Variants in LDLRAP1 observed in about 807,000 individuals in gnomAD.
LDLRAP1 encodes the protein low density lipoprotein receptor adaptor protein 1, also known as low density lipoprotein receptor adapter protein 1.
A neutral mutation model predicts 37.8 loss-of-function variants in LDLRAP1; 30 were observed. That is an observed-to-expected ratio of 0.79 (90% CI 0.59 to 1.08). The LOEUF is 1.08. Ranked by LOEUF, LDLRAP1 falls within the 50% of genes least tolerant of loss-of-function variation. The pLI, the probability that LDLRAP1 is intolerant of heterozygous loss-of-function variation, is 0.00. For missense variants in LDLRAP1, 375 were observed against 401.6 expected, an observed-to-expected ratio of 0.93 and a Z score of 0.57; for synonymous variants, 156 against 169.8, an observed-to-expected ratio of 0.92 and a Z score of 0.63.
chr1:25,554,315 C>G lies in LDLRAP1; in HGVS notation c.231+251C>G, dbSNP rs1179922118. 2.0e-5 allele frequency among the ~76,000 whole-genome samples: 3 copies of G among 152,062 alleles called. No individual in the cohort carries two copies. The East Asian group carries it at 5.8e-4, about 29-fold the overall frequency. The stretch of plus-strand genomic sequence containing the variant: ...CCCACCCCCAGCTCAGGCTCCCTAC[C>G]AATGCATTGGTGACTTATCAGCACC... On this transcript the variant is annotated intron_variant, in intron 2 of 8. Transcript: ENST00000374338. This position sits in a 1 kb window ranked among gnomAD's most constrained non-coding sequence, Gnocchi z 5.4.
chr1:25,561,063 C>G (rs1187424117), intron 4 of LDLRAP1, among the ~76,000 whole-genome samples: 4 of 152,272 alleles, frequency 2.6e-5, no homozygotes, highest in Non-Finnish European at 5.9e-5. Context: ...CAACTACAGT[C>G]TAAGCTTGTG....
chr1:25,559,080 C>CA (rs1445794231), intron 4 of LDLRAP1, among the ~76,000 whole-genome samples: 1 of 152,208 alleles, frequency 6.6e-6, no homozygotes, highest in Non-Finnish European at 1.5e-5. Context: ...GACTCAGTGT[C>CA]ACTGGCCACT....
At chr1:25,571,133 G>A (rs546868159), downstream of LDLRAP1, among the ~76,000 whole-genome samples, 2 of 152,150 alleles carry the variant, frequency 1.3e-5, no homozygotes, top group Non-Finnish European at 1.5e-5. Context: ...AACCCCAACC[G>A]ACCTGGTGTG....
downstream of LDLRAP1, among the ~76,000 whole-genome samples, chr1:25,573,023 A>G (rs1303795792): frequency 1.3e-5 from 2 of 149,136 alleles, no homozygotes; most frequent in Non-Finnish European, 3.0e-5. Flanking sequence ...ACAACTTAGT[A>G]GCCTGTATCT....
chr1:25,550,822 G>A (rs1449995331), intron 1 of LDLRAP1, among the ~76,000 whole-genome samples: 2 of 152,172 alleles, frequency 1.3e-5, no homozygotes, highest in African/African-American at 4.8e-5. Flanking sequence ...GGCCAGGGAA[G>A]GAGGAATGCA....
At chr1:25,562,812 C>A in intron 5 of LDLRAP1, 96 bp downstream of exon 5, 1 of 1,118,770 alleles carries the variant, frequency 8.9e-7, no homozygotes, top group Non-Finnish European at 1.4e-6. Flanking sequence ...GCCTCATCAC[C>A]CACCTGGCTT....
intron 1 of LDLRAP1, among the ~76,000 whole-genome samples, chr1:25,552,791 C>T (rs1025179876): frequency 7.2e-5 from 11 of 152,192 alleles, no homozygotes; most frequent in Non-Finnish European, 1.3e-4. Flanking sequence ...GCTCTTTCCA[C>T]GTGTCCCTCC....
intron 3 of LDLRAP1, among the ~76,000 whole-genome samples, chr1:25,556,016 G>A (rs1337090559): frequency 6.6e-6 from 1 of 152,146 alleles, no homozygotes; most frequent in African/African-American, 2.4e-5. Flanking sequence ...ATAGGATCTA[G>A]TTTGTTGTTA....
At chr1:25,564,366 T>G in intron 7 of LDLRAP1, 1 of 179,616 alleles carries the variant, frequency 5.6e-6, no homozygotes, top group Admixed American at 5.4e-5. Flanking sequence ...TCACCCGTCA[T>G]CCAGATTCCC....
At chr1:25,583,023 G>A in the LDLRAP1 span, among the ~76,000 whole-genome samples, 1 of 151,664 alleles carries the variant, frequency 6.6e-6, no homozygotes. Flanking sequence ...AGTGAGCCGA[G>A]ATCGTGCCAC....
Position 25,568,172 on chromosome 1 carries a change from C to T in LDLRAP1, c.*1180C>T, listed in dbSNP as rs2044534425. 6.6e-6 allele frequency: 1 copy of T among 152,614 alleles called. No individual in the cohort carries two copies. Among genetic ancestry groups the T allele is most frequent in the Non-Finnish European group, 1.5e-5 (1 of 68,038 alleles). The allele number at this position is 152,614 out of a possible 1,614,324, so 9.5% of individuals were successfully genotyped here. On this transcript the variant is annotated 3_prime_UTR_variant, in exon 9 of 9. Coordinates refer to ENST00000374338, the MANE Select transcript of LDLRAP1 (RefSeq NM_015627.3). The stretch of plus-strand genomic sequence containing the variant: ...TAACAAACCATCTGGTGCCTTTCCA[C>T]ACAGAACTGGCAGGAGCCTCGTGTC...
chr1:25,571,501 C>G (rs2044604241), downstream of LDLRAP1, among the ~76,000 whole-genome samples: 1 of 152,246 alleles, frequency 6.6e-6, no homozygotes, highest in South Asian at 2.1e-4. Flanking sequence ...CCAGCAGCAT[C>G]CACACGTACC....
chr1:25,551,178 T>C (rs560609979), intron 1 of LDLRAP1, among the ~76,000 whole-genome samples: 1 of 152,278 alleles, frequency 6.6e-6, no homozygotes, highest in South Asian at 2.1e-4. Context: ...GTGCGGGTCA[T>C]AGGCACAGTA....
At chr1:25,545,585 G>T (rs1230940973) in intron 1 of LDLRAP1, among the ~76,000 whole-genome samples, 1 of 152,072 alleles carries the variant, frequency 6.6e-6, no homozygotes, top group Non-Finnish European at 1.5e-5. Context: ...GATGGGTTTT[G>T]GGGGCCCCGA....
At chr1:25,584,253 C>T in the LDLRAP1 span, among the ~76,000 whole-genome samples, 7 of 152,214 alleles carry the variant, frequency 4.6e-5, no homozygotes, top group Non-Finnish European at 7.4e-5. Context: ...CAACCCCCTG[C>T]GCTTGCCTGC....
chr1:25,552,045 G>C (rs1333873515), intron 1 of LDLRAP1, among the ~76,000 whole-genome samples: 1 of 152,158 alleles, frequency 6.6e-6, no homozygotes, highest in Non-Finnish European at 1.5e-5. Context: ...AGGGACAGTG[G>C]CTTGCTCAAG....
At chr1:25,583,967 C>T in the LDLRAP1 span, among the ~76,000 whole-genome samples, 2 of 152,196 alleles carry the variant, frequency 1.3e-5, no homozygotes, top group African/African-American at 4.8e-5. Flanking sequence ...GCCAGTGCTT[C>T]GTGTCTCCCT....
At chr1:25,549,582 C>CA (rs958314586) in intron 1 of LDLRAP1, among the ~76,000 whole-genome samples, 19 of 152,344 alleles carry the variant, frequency 1.2e-4, no homozygotes, top group African/African-American at 4.3e-4. Context: ...TGTAAAATTG[C>CA]AACGTTAAAA....
chr1:25,576,765 A>G, the LDLRAP1 span, among the ~76,000 whole-genome samples: 6 of 152,084 alleles, frequency 3.9e-5, no homozygotes, highest in African/African-American at 1.4e-4. Flanking sequence ...GCTCTCTCCC[A>G]CCCCATCCGG....
Sources: gnomAD v4.1 joint callset for allele counts (sites outside exome capture counted in the v4.1 genomes callset) on GRCh38, gnomAD v4.1.1 for gene constraint, Gnocchi (gnomAD v3.1) non-coding constraint, MANE v1.5 for transcripts, NCBI Gene and HGNC (gene_info 2026-07-23, HGNC 2026-07-21) for gene names.